The following GNA13 variants were observed in gnomAD, a reference collection of about 807,000 sequenced individuals.
GNA13 encodes the protein G protein subunit alpha 13.
GNA13 carries 4 observed loss-of-function variants against 33.5 expected under a neutral mutation model. The ratio of observed to expected loss-of-function variants is 0.12; its 90% CI spans 0.06 to 0.27. The LOEUF is 0.27. GNA13 is among the 10% of genes least tolerant of loss of function. The pLI is 1.00. For synonymous variants in GNA13, 176 were observed against 183.8 expected (o/e 0.96, Z 0.34); for missense variants, 319 against 487.2 (o/e 0.65, Z 3.25).
At chr17:65,018,360 A>G (rs1906459684) in intron 2 of GNA13, 57 bp from the exon 3 acceptor site, 8 of 869,404 alleles carry the variant, frequency 9.2e-6, no homozygotes, top group Admixed American at 3.4e-5. Flanking sequence ...AGATCTTGTT[A>G]CAACAGTTTA....
chr17:65,056,261 G>GCCCCCGCC, intron 1 of GNA13, 50 bp downstream of exon 1: 2 of 560,698 alleles, frequency 3.6e-6, no homozygotes, highest in Non-Finnish European at 6.0e-6. Context: ...ACCCGCCGCC[G>GCCCCCGCC]CCCCAGCCCC....
In GNA13 at chr17:65,014,755, T is replaced by C. The variant is rs1428622460; in HGVS notation, c.636A>G (p.Glu212=). ...CCATTTTGAAAGGAACATTTTTTAT[T>C]TCAAAGTCGTATTCATGGATGCCTT... ...PTKGIHEYDF[E]IKNVPFKMVD... is the part of the protein sequence containing the mutation. Residue 212 remains glutamate, a synonymous_variant, in exon 4 of 4, where the codon GAA becomes GAG. Coordinates refer to ENST00000439174, the MANE Select transcript of GNA13 (RefSeq NM_006572.6). This position sits in a 1 kb window ranked among gnomAD's most constrained non-coding sequence, Gnocchi z 5.3. 1 of 1,613,696 alleles carries C rather than the reference T, an allele frequency of 6.2e-7. No homozygotes were observed. Among genetic ancestry groups the C allele is most frequent in the Non-Finnish European group, 8.5e-7 (1 of 1,179,702 alleles).
intron 2 of GNA13, among the ~76,000 whole-genome samples, chr17:65,042,791 G>A (rs1221574707): frequency 1.3e-5 from 2 of 152,050 alleles, no homozygotes; most frequent in Non-Finnish European, 2.9e-5. Context: ...TCAACATGTG[G>A]TCCTAGAGAC....
chr17:65,022,545 T>C (rs1330850810), intron 2 of GNA13, among the ~76,000 whole-genome samples: 2 of 152,198 alleles, frequency 1.3e-5, no homozygotes, highest in South Asian at 2.1e-4. Context: ...AATGACACTA[T>C]AGCTATGCTA....
At chr17:65,055,799 T>C (rs1908029472) in intron 1 of GNA13, 1 of 982,376 alleles carries the variant, frequency 1.0e-6, no homozygotes, top group Non-Finnish European at 1.2e-6. Context: ...ACTCGCTTGC[T>C]TAGGAGACGG....
chr17:65,040,077 T>A (rs1293926212), intron 2 of GNA13, among the ~76,000 whole-genome samples: 6 of 152,062 alleles, frequency 3.9e-5, no homozygotes, highest in Non-Finnish European at 5.9e-5. Context: ...TGAAGCTTTT[T>A]AATAAAATAC....
intron 2 of GNA13, among the ~76,000 whole-genome samples, chr17:65,027,336 T>C (rs193301095): frequency 7.2e-6 from 1 of 138,046 alleles, no homozygotes; most frequent in African/African-American, 2.6e-5. Context: ...TTTAAAGAGA[T>C]AGGTTTTCAC....
chr17:65,053,475 C>A (rs1907926173), intron 2 of GNA13, 27 bp downstream of exon 2: 1 of 1,354,406 alleles, frequency 7.4e-7, no homozygotes, highest in African/African-American at 1.4e-5. Context: ...AATAAAACCA[C>A]ACGTTTTAAA....
At chr17:65,042,927 T>C (rs1178957749) in intron 2 of GNA13, among the ~76,000 whole-genome samples, 1 of 152,212 alleles carries the variant, frequency 6.6e-6, no homozygotes, top group Admixed American at 6.5e-5. Context: ...TCTATGCAGC[T>C]ACTTAGGTGC....
chr17:65,047,610 T>A (rs1907712733), intron 2 of GNA13, among the ~76,000 whole-genome samples: 1 of 152,050 alleles, frequency 6.6e-6, no homozygotes. Context: ...AGCAATTCTT[T>A]AATATTTAAA....
rs1325139740 is a variant in GNA13 at position 65,056,679 on chromosome 17, T to C, written c.-86A>G. 9.7e-7 allele frequency: 1 copy of C among 1,032,776 alleles called. No individual in the cohort carries two copies. The highest frequency in any genetic ancestry group is 1.3e-6 in the Non-Finnish European group (1 of 787,892). 64.0% of individuals were successfully genotyped at this position (1,032,776 alleles called of 1,614,324 possible). On this transcript the variant is annotated 5_prime_UTR_variant, in exon 1 of 4. Transcript: ENST00000439174. The stretch of plus-strand genomic sequence containing the variant: ...CGGCGGGCGGCTCCGGCACCGAGGC[T>C]CGAGGGCGGGGAGCGCGGCGGCGGC...
chr17:65,011,119 A>G lies in GNA13; in HGVS notation c.*3138T>C, dbSNP rs1303320113. ...AGGACTTAACCAATTTCTTCTTACA[A>G]AAAATGATAAGGACATATGGTATTT... On this transcript the variant is annotated 3_prime_UTR_variant, in exon 4 of 4. Coordinates refer to ENST00000439174, the MANE Select transcript of GNA13 (RefSeq NM_006572.6). The G allele has an allele frequency of 9.7e-6, 2 of 206,400 alleles. No homozygotes were observed. The highest frequency in any genetic ancestry group is 4.6e-5 in the African/African-American group (2 of 43,834). 12.8% of individuals were successfully genotyped at this position (206,400 alleles called of 1,614,324 possible). A position where few individuals can be genotyped will look rare whatever the true frequency, so the allele number is the denominator to read the frequency against.
At chr17:65,037,908 T>C (rs1449925583) in intron 2 of GNA13, among the ~76,000 whole-genome samples, 1 of 150,684 alleles carries the variant, frequency 6.6e-6, no homozygotes, top group Non-Finnish European at 1.5e-5. Flanking sequence ...ACATTAAATA[T>C]CTCCTAGATA....
intron 1 of GNA13, chr17:65,055,512 C>T: frequency 1.7e-6 from 1 of 598,356 alleles, no homozygotes; most frequent in South Asian, 7.4e-5. Flanking sequence ...AGCAGTGGTA[C>T]TCCCTTCCTG....
chr17:65,044,091 A>G (rs1187719761), intron 2 of GNA13, among the ~76,000 whole-genome samples: 3 of 152,252 alleles, frequency 2.0e-5, no homozygotes, highest in African/African-American at 7.2e-5. Context: ...GTGCCACTGC[A>G]CATTGGCCTC....
chr17:65,040,093 C>CA (rs1042821985), intron 2 of GNA13, among the ~76,000 whole-genome samples: 56 of 145,862 alleles, frequency 3.8e-4, no homozygotes, highest in South Asian at 1.3e-3. Flanking sequence ...AATACTTTTT[C>CA]AAAAAAAAAA....
chr17:65,015,613 AG>A (rs1906337043), intron 3 of GNA13, among the ~76,000 whole-genome samples: 1 of 141,728 alleles, frequency 7.1e-6, no homozygotes, highest in Non-Finnish European at 1.5e-5. Context: ...CAGTGAGCTG[AG>A]ATCATGCCAC....
At chr17:65,055,596 A>G in intron 1 of GNA13, 1 of 985,256 alleles carries the variant, frequency 1.0e-6, no homozygotes, top group Non-Finnish European at 1.2e-6. Context: ...ATCCTACCTG[A>G]CCGTGACACT....
At chr17:65,045,433 G>C (rs543811745) in intron 2 of GNA13, among the ~76,000 whole-genome samples, 1 of 135,700 alleles carries the variant, frequency 7.4e-6, no homozygotes, top group Admixed American at 8.3e-5. Flanking sequence ...GTCAGGGCTT[G>C]AACCTGGGAA....
Sources: gnomAD v4.1 joint callset for allele counts (sites outside exome capture counted in the v4.1 genomes callset) on GRCh38, gnomAD v4.1.1 for gene constraint, Gnocchi (gnomAD v3.1) non-coding constraint, MANE v1.5 for transcripts, NCBI Gene and HGNC (gene_info 2026-07-23, HGNC 2026-07-21) for gene names.